AIM2: variants seen among roughly 807,000 people sequenced by gnomAD.
The protein encoded by AIM2 is interferon-inducible protein AIM2.
A neutral mutation model predicts 27.7 loss-of-function variants in AIM2; 30 were observed. That is an observed-to-expected ratio of 1.08 (90% CI 0.81 to 1.47). The LOEUF (loss-of-function observed/expected upper bound fraction) is 1.47. AIM2 is among the 40% of genes most tolerant of loss of function. AIM2 has a pLI of 0.00. For missense variants in AIM2, 358 were observed against 411.3 expected (o/e 0.87, Z 1.12); for synonymous variants, 141 against 145.3 (o/e 0.97, Z 0.21).
intron 1 of AIM2, among the ~76,000 whole-genome samples, chr1:159,114,751 C>T (rs922117396): frequency 6.6e-6 from 1 of 152,148 alleles, no homozygotes; most frequent in African/African-American, 2.4e-5. Context: ...AAACTGGAAG[C>T]ATTCCCTTTG....
intron 3 of AIM2, 113 bp downstream of exon 3, chr1:159,068,455 C>G: frequency 7.2e-7 from 1 of 1,393,782 alleles, no homozygotes; most frequent in Non-Finnish European, 9.6e-7. Context: ...ATGCTGTGGC[C>G]TTGCTTCCCT....
Position 159,140,144 on chromosome 1 carries a change from C to A in AIM2, c.-16+287G>T, listed in dbSNP as rs863031. Among the ~76,000 whole-genome samples, 727 of 152,200 alleles carry A rather than the reference C, an allele frequency of 4.8e-3. 5 individuals are homozygous for A. The highest frequency in any genetic ancestry group is 8.6e-3 in the Non-Finnish European group (582 of 68,012). On this transcript the variant is annotated intron_variant, in intron 1 of 2. Transcript: ENST00000368129. ...GGCTGAGTTAACAATAAACAAAAGG[C>A]TCCAGGAAAGAATGCCCAGGAACTT... is the stretch of plus-strand genomic sequence containing the variant.
Position 159,068,676 on chromosome 1 carries a change from T to C in AIM2, c.288A>G (p.Thr96=), listed in dbSNP as rs1340660323. 2 of 1,613,802 alleles carry C rather than the reference T, an allele frequency of 1.2e-6. No individual in the cohort carries two copies. The highest frequency in any genetic ancestry group is 1.7e-6 in the Non-Finnish European group (2 of 1,179,856). The part of the protein sequence containing the change: ...EKVDKQYKSV[T]KPKPLSQAEM... Reference sequence around the variant, plus strand: ...CAGCTTGACTTAGTGGCTTTGGTTTTGTTACCGATTTGTATTGCTTATCAA... The same window carrying C: ...CAGCTTGACTTAGTGGCTTTGGTTTCGTTACCGATTTGTATTGCTTATCAA... The change falls in exon 3 of 6, where the codon ACA becomes ACG. Residue 96 remains threonine (T), a synonymous_variant. Coordinates refer to ENST00000368130, the MANE Select transcript of AIM2 (RefSeq NM_004833.3).
intron 1 of AIM2, among the ~76,000 whole-genome samples, chr1:159,098,118 C>G (rs1460396375): frequency 2.0e-5 from 3 of 152,172 alleles, no homozygotes; most frequent in Non-Finnish European, 4.4e-5. Context: ...ATTTAAATAT[C>G]TTAAATCCAT....
At chr1:159,071,954 T>G (rs1204131432) in intron 2 of AIM2, among the ~76,000 whole-genome samples, 2 of 152,060 alleles carry the variant, frequency 1.3e-5, no homozygotes, top group Non-Finnish European at 2.9e-5. Flanking sequence ...CCAGAATCAT[T>G]AGAATAGCAA....
upstream of AIM2, among the ~76,000 whole-genome samples, chr1:159,141,775 T>TGG (rs200010084): frequency 1.3e-5 from 2 of 150,364 alleles, no homozygotes; most frequent in Admixed American, 6.6e-5. Flanking sequence ...CTCTGAGCGG[T>TGG]GGGGGGGGAC....
At chr1:159,118,067 A>C (rs1271389922) in intron 1 of AIM2, among the ~76,000 whole-genome samples, 1 of 152,174 alleles carries the variant, frequency 6.6e-6, no homozygotes, top group African/African-American at 2.4e-5. Context: ...CAATGCCTTT[A>C]TTATACCCAG....
rs1656965329 is a variant in AIM2 at position 159,088,346 on chromosome 1, G to A, written c.-15-22017C>T. The stretch of plus-strand genomic sequence containing the variant: ...GAACCATGAGAGGAAGGAATGCCAG[G>A]ATTCAGGAGCTGCATGAGTCAGCTG... On this transcript the variant is annotated intron_variant, in intron 1 of 2. Coordinates refer to the AIM2 transcript ENST00000368129. Among the ~76,000 whole-genome samples, 3 of 152,146 alleles carry A rather than the reference G, an allele frequency of 2.0e-5. No homozygotes were observed. The South Asian group carries it at 6.2e-4, about 32-fold the overall frequency.
the AIM2 span, among the ~76,000 whole-genome samples, chr1:159,057,059 A>T: frequency 6.6e-6 from 1 of 152,186 alleles, no homozygotes; most frequent in Non-Finnish European, 1.5e-5. Context: ...TCTTCCTAGC[A>T]GATACCCATG....
intron 1 of AIM2, among the ~76,000 whole-genome samples, chr1:159,088,386 T>A (rs1241911164): frequency 3.3e-5 from 5 of 152,228 alleles, no homozygotes; most frequent in Non-Finnish European, 2.9e-5. Context: ...CGATGTTTGC[T>A]GCTTCATAAT....
At chr1:159,127,390 C>T (rs779323774) in intron 1 of AIM2, among the ~76,000 whole-genome samples, 1 of 152,168 alleles carries the variant, frequency 6.6e-6, no homozygotes, top group Non-Finnish European at 1.5e-5. Context: ...TCAGTGTCGG[C>T]CCTGACTAGT....
chr1:159,062,569 A>G lies in AIM2; in HGVS notation c.*123T>C, dbSNP rs553581815. 2 of 834,060 alleles carry G rather than the reference A, an allele frequency of 2.4e-6. No individual in the cohort carries two copies. Among genetic ancestry groups the G allele is most frequent in the South Asian group, 1.6e-5 (1 of 64,316 alleles). 51.7% of individuals were successfully genotyped at this position (834,060 alleles called of 1,614,324 possible). ...CAATTATTCTATCCTAATTTGGTGG[A>G]GAGAGGAGCCTGTGAACTGCAGCTT... On this transcript the variant is annotated 3_prime_UTR_variant, in exon 6 of 6. Transcript: ENST00000368130.
At chr1:159,130,103 T>C (rs548442811) in intron 1 of AIM2, among the ~76,000 whole-genome samples, 4 of 152,326 alleles carry the variant, frequency 2.6e-5, no homozygotes, top group African/African-American at 4.8e-5. Context: ...CACCCTTTTT[T>C]AAAAGCATCT....
chr1:159,062,831 T>C (rs1055477394), intron 5 of AIM2, 113 bp from the exon 6 acceptor site: 3 of 1,035,928 alleles, frequency 2.9e-6, no homozygotes, highest in Non-Finnish European at 4.4e-6. Context: ...CATAAAATTA[T>C]TTTGTTCCCA....
intron 1 of AIM2, among the ~76,000 whole-genome samples, chr1:159,098,235 T>C (rs1657220945): frequency 6.6e-6 from 1 of 152,130 alleles, no homozygotes; most frequent in African/African-American, 2.4e-5. Context: ...ACAGATTATG[T>C]GCCCAACTTT....
At chr1:159,080,368 A>G (rs1388994894), upstream of AIM2, among the ~76,000 whole-genome samples, 2 of 152,214 alleles carry the variant, frequency 1.3e-5, no homozygotes, top group African/African-American at 4.8e-5. Flanking sequence ...GAGAAAATCT[A>G]TGACTCTGAA....
intron 1 of AIM2, among the ~76,000 whole-genome samples, chr1:159,091,227 G>A (rs72709588): frequency 9.0e-4 from 137 of 152,224 alleles, no homozygotes; most frequent in Non-Finnish European, 1.6e-3. Flanking sequence ...TAGGATAAAG[G>A]TTACATTTTT....
intron 1 of AIM2, among the ~76,000 whole-genome samples, chr1:159,107,403 G>T (rs535398443): frequency 6.6e-6 from 1 of 152,126 alleles, no homozygotes; most frequent in South Asian, 2.1e-4. Context: ...AGGACTGCAG[G>T]GGGGAGTGGA....
At chr1:159,084,979 T>C (rs555203307) in intron 1 of AIM2, among the ~76,000 whole-genome samples, 97 of 152,252 alleles carry the variant, frequency 6.4e-4, no homozygotes, top group South Asian at 3.3e-3. Flanking sequence ...CTATTCTGGA[T>C]AAGTTCACTG....
Sources: gnomAD v4.1 joint callset for allele counts (sites outside exome capture counted in the v4.1 genomes callset) on GRCh38, gnomAD v4.1.1 for gene constraint, MANE v1.5 for transcripts, NCBI Gene and HGNC (gene_info 2026-07-23, HGNC 2026-07-21) for gene names.